Variants in OSBP2 observed in about 807,000 individuals in gnomAD.
OSBP2 encodes the protein oxysterol-binding protein 2.
A neutral mutation model predicts 96.0 loss-of-function variants in OSBP2; 66 were observed. The ratio of observed to expected loss-of-function variants is 0.69; its 90% CI spans 0.56 to 0.84. The LOEUF (loss-of-function observed/expected upper bound fraction) is 0.84. Ranked by LOEUF, OSBP2 falls within the 40% of genes least tolerant of loss-of-function variation. OSBP2 has a pLI of 0.00. For synonymous variants in OSBP2, 525 were observed against 520.9 expected (o/e 1.01, Z -0.11); for missense variants, 1,038 against 1,222.7 (o/e 0.85, Z 2.25).
chr22:30,820,693 A>T (rs1413455206), intron 2 of OSBP2, among the ~76,000 whole-genome samples: 1 of 152,206 alleles, frequency 6.6e-6, no homozygotes, highest in Non-Finnish European at 1.5e-5. Context: ...GAAATGAGGA[A>T]ATGCAGGTCA....
intron 2 of OSBP2, among the ~76,000 whole-genome samples, chr22:30,794,933 C>T (rs2090735929): frequency 7.1e-6 from 1 of 141,050 alleles, no homozygotes; most frequent in African/African-American, 2.7e-5. Context: ...TTTTTTGAGA[C>T]AGAGTCTCGC....
intron 12 of OSBP2, among the ~76,000 whole-genome samples, chr22:30,900,741 C>T (rs2040175952): frequency 6.6e-6 from 1 of 152,180 alleles, no homozygotes; most frequent in Admixed American, 6.5e-5. Flanking sequence ...ATCCCTCCCT[C>T]ACGTTATAAA....
chr22:30,712,485 A>G (rs2089368408), intron 1 of OSBP2, among the ~76,000 whole-genome samples: 1 of 152,186 alleles, frequency 6.6e-6, no homozygotes, highest in Non-Finnish European at 1.5e-5. Flanking sequence ...CCCAGCTGCT[A>G]TGGAACCTCA....
At chr22:30,904,275 C>A (rs2040281655) in intron 12 of OSBP2, among the ~76,000 whole-genome samples, 1 of 152,348 alleles carries the variant, frequency 6.6e-6, no homozygotes, top group East Asian at 1.9e-4. Context: ...CCGCAATCCA[C>A]AGAACTCTCT....
chr22:30,873,190 T>C (rs930079968), intron 3 of OSBP2, among the ~76,000 whole-genome samples: 3 of 152,176 alleles, frequency 2.0e-5, no homozygotes, highest in African/African-American at 7.2e-5. Context: ...CCAAGATACA[T>C]GCAAACCCAG....
intron 1 of OSBP2, among the ~76,000 whole-genome samples, chr22:30,706,588 T>TA (rs2089257330): frequency 2.0e-5 from 3 of 152,184 alleles, no homozygotes; most frequent in Non-Finnish European, 4.4e-5. Context: ...GCCTTCCTAA[T>TA]ACAGTGTGTG....
At chr22:30,733,444 C>G (rs2089809094) in intron 1 of OSBP2, among the ~76,000 whole-genome samples, 1 of 152,160 alleles carries the variant, frequency 6.6e-6, no homozygotes, top group African/African-American at 2.4e-5. Context: ...CATCCACTTC[C>G]CATTTCCCAC....
intron 2 of OSBP2, among the ~76,000 whole-genome samples, chr22:30,822,144 C>CTCTGAG (rs1226060737): frequency 6.6e-6 from 1 of 152,234 alleles, no homozygotes; most frequent in Admixed American, 6.5e-5. Context: ...AGAGGTGACC[C>CTCTGAG]CGATTTCCTG....
rs757299997 is a variant in OSBP2, at chr22:30,888,287, C to T, written c.1365C>T (p.Ala455=). The T allele has an allele frequency of 4.3e-6, 7 of 1,613,772 alleles. No individual in the cohort carries two copies. Among genetic ancestry groups the T allele is most frequent in the Non-Finnish European group, 5.9e-6 (7 of 1,179,844 alleles). The part of the protein sequence containing the change: ...EEDEDTEYFD[A]MEDSTSFITV... ...ATGAAGATACCGAGTACTTTGATGC[C>T]ATGGAAGACTCCACATCCTTCATCA... The change falls in exon 5 of 14, where the codon GCC becomes GCT. Residue 455 remains alanine, a synonymous_variant. Coordinates refer to ENST00000332585, the MANE Select transcript of OSBP2 (RefSeq NM_030758.4).
intron 1 of OSBP2, among the ~76,000 whole-genome samples, chr22:30,737,368 G>A (rs1381697601): frequency 7.0e-6 from 1 of 143,150 alleles, no homozygotes; most frequent in African/African-American, 2.6e-5. Context: ...CTGTCACTCA[G>A]GCTGGAATGC....
At chr22:30,880,049 C>CAA (rs796440117) in intron 3 of OSBP2, among the ~76,000 whole-genome samples, 7 of 144,340 alleles carry the variant, frequency 4.8e-5, no homozygotes, top group African/African-American at 1.8e-4. Flanking sequence ...GACTCTGTCT[C>CAA]AAAAAAAAAA....
chr22:30,801,292 G>A (rs879637830), intron 2 of OSBP2, among the ~76,000 whole-genome samples: 2 of 152,194 alleles, frequency 1.3e-5, no homozygotes, highest in Non-Finnish European at 2.9e-5. Flanking sequence ...AGAAAAATAA[G>A]CTCTTGGAAG....
At chr22:30,879,046 A>G (rs1388478022) in intron 3 of OSBP2, among the ~76,000 whole-genome samples, 1 of 152,228 alleles carries the variant, frequency 6.6e-6, no homozygotes, top group Non-Finnish European at 1.5e-5. Flanking sequence ...GATGTGGGGC[A>G]TCATAGAAAC....
At chr22:30,873,055 A>G (rs1274329048) in intron 3 of OSBP2, among the ~76,000 whole-genome samples, 1 of 152,182 alleles carries the variant, frequency 6.6e-6, no homozygotes, top group Non-Finnish European at 1.5e-5. Flanking sequence ...CAGGGAGCCT[A>G]TTCAGGCACC....
rs58884052 is a variant in OSBP2 at position 30,718,635 on chromosome 22, G to A, written c.645-22526G>A. On this transcript the variant is annotated intron_variant, in intron 1 of 13. Coordinates refer to ENST00000332585, the MANE Select transcript of OSBP2 (RefSeq NM_030758.4). ...GGGGGATGCTTTAGCTGGGCCTCAG[G>A]TGTTCACTGGCCTTCCTGCCCCTGG... Among the ~76,000 whole-genome samples the A allele has an allele frequency of 3.8e-3, 576 of 152,368 alleles. 13 individuals carry two copies. The East Asian group carries it at 0.061, about 16-fold the overall frequency.
intron 2 of OSBP2, among the ~76,000 whole-genome samples, chr22:30,768,396 G>A (rs193234491): frequency 6.6e-6 from 1 of 152,252 alleles, no homozygotes; most frequent in Non-Finnish European, 1.5e-5. Context: ...CATTCCTGTG[G>A]CCAGGCATGG....
intron 1 of OSBP2, among the ~76,000 whole-genome samples, chr22:30,730,900 C>T (rs1049931631): frequency 4.7e-5 from 7 of 147,810 alleles, no homozygotes; most frequent in African/African-American, 1.2e-4. Context: ...GCTGGCCGGG[C>T]GCGGTGCCTC....
chr22:30,905,819 C>T lies in OSBP2; in HGVS notation c.2376-18C>T. The T allele has an allele frequency of 6.2e-7, 1 of 1,610,940 alleles. No homozygotes were observed. Among genetic ancestry groups the T allele is most frequent in the African/African-American group, 1.3e-5 (1 of 74,982 alleles). ...GCTCACACCGCAGCCACCGCCACCG[C>T]CACCACCACCGCCACAGGGAGAACG... On this transcript the variant is annotated intron_variant, in intron 12 of 13. Coordinates refer to ENST00000332585, the MANE Select transcript of OSBP2 (RefSeq NM_030758.4).
At chr22:30,790,708 G>T (rs2145824949) in intron 2 of OSBP2, among the ~76,000 whole-genome samples, 2 of 150,012 alleles carry the variant, frequency 1.3e-5, no homozygotes, top group East Asian at 3.9e-4. Context: ...AAATTTTTTT[G>T]ATATGTGGTA....
Sources: gnomAD v4.1 joint callset for allele counts (sites outside exome capture counted in the v4.1 genomes callset) on GRCh38, gnomAD v4.1.1 for gene constraint, MANE v1.5 for transcripts, NCBI Gene and HGNC (gene_info 2026-07-23, HGNC 2026-07-21) for gene names.